Variants in VSTM2B observed in about 807,000 individuals in gnomAD.
VSTM2B encodes the protein V-set and transmembrane domain containing 2B, also known as V-set and transmembrane domain-containing protein 2B.
In VSTM2B, 24 loss-of-function variants were observed where a neutral mutation model predicts 24.0. The observed-to-expected ratio is 1.00, with a 90% CI of 0.72 to 1.40. The LOEUF (loss-of-function observed/expected upper bound fraction) is 1.40, where lower values mean the gene tolerates loss of function less well. VSTM2B is among the 40% of genes most tolerant of loss of function. The pLI is 0.00. For missense variants in VSTM2B, 399 were observed against 416.4 expected (o/e 0.96, Z 0.36); for synonymous variants, 226 against 194.4 (o/e 1.16, Z -1.35).
chr19:29,555,784 A>C (rs1026281737), intron 4 of VSTM2B, among the ~76,000 whole-genome samples: 1 of 152,196 alleles, frequency 6.6e-6, no homozygotes, highest in Non-Finnish European at 1.5e-5. Flanking sequence ...AAACTCCTCT[A>C]TGCAAATAAA....
chr19:29,559,562 A>G (rs1303776295), intron 4 of VSTM2B, among the ~76,000 whole-genome samples: 1 of 152,218 alleles, frequency 6.6e-6, no homozygotes, highest in Admixed American at 6.5e-5. Context: ...ATACCTATGT[A>G]ACAAAGCTGC....
intron 4 of VSTM2B, among the ~76,000 whole-genome samples, chr19:29,561,191 A>T (rs142634280): frequency 2.9e-4 from 44 of 152,294 alleles, no homozygotes; most frequent in African/African-American, 8.7e-4. Context: ...AAGCACCTGT[A>T]ATCCCAGCTG....
At position 29,546,655 on chromosome 19, in the gene VSTM2B, C is replaced by T. The variant is rs145359632; in HGVS notation, c.769+16365C>T. ...CCCACACTGAGGGAGGCAGCCTCGC[C>T]GTCCCCGCTGGGGAGCCCCCACCCC... On this transcript the variant is annotated intron_variant, in intron 4 of 4. Transcript: ENST00000335523. 3.7e-4 allele frequency among the ~76,000 whole-genome samples: 57 copies of T among 152,288 alleles called. No individual in the cohort carries two copies. In the East Asian group the frequency reaches 0.011, roughly 29 times the overall value.
intron 4 of VSTM2B, among the ~76,000 whole-genome samples, chr19:29,535,369 G>A (rs1969862076): frequency 6.6e-6 from 1 of 152,174 alleles, no homozygotes; most frequent in African/African-American, 2.4e-5. Context: ...GTTGGCCAGA[G>A]GTTCCCCTCT....
chr19:29,540,580 C>G (rs576034823), intron 4 of VSTM2B, among the ~76,000 whole-genome samples: 1 of 152,366 alleles, frequency 6.6e-6, no homozygotes, highest in South Asian at 2.1e-4. Flanking sequence ...TGCCCACAGA[C>G]AGCAGGCCTG....
At chr19:29,534,784 T>C (rs1221317414) in intron 4 of VSTM2B, among the ~76,000 whole-genome samples, 2 of 151,618 alleles carry the variant, frequency 1.3e-5, no homozygotes. Context: ...CATTTCAGAT[T>C]GGCAACAGCA....
chr19:29,529,162 G>T lies in VSTM2B; in HGVS notation c.298-657G>T, dbSNP rs1463137430. 7.1e-6 allele frequency: 7 copies of T among 981,284 alleles called. No homozygotes were observed. The Admixed American group carries it at 4.3e-4, about 60-fold the overall frequency. The allele number at this position is 981,284 out of a possible 1,614,324, so 60.8% of individuals were successfully genotyped here. On this transcript the variant is annotated intron_variant, in intron 3 of 4. Transcript: ENST00000335523. ...TACTTCCCGAAGTCCCCACCGGGGCGCAGGGGAGGAGCACTTCGCTGGGGG... is the reference window on the plus strand; with the variant it reads ...TACTTCCCGAAGTCCCCACCGGGGCTCAGGGGAGGAGCACTTCGCTGGGGG...
intron 4 of VSTM2B, among the ~76,000 whole-genome samples, chr19:29,551,733 T>A (rs2145502445): frequency 6.6e-6 from 1 of 152,292 alleles, no homozygotes; most frequent in African/African-American, 2.4e-5. Flanking sequence ...ACCTTAATCA[T>A]GACAAATAAA....
rs73923880 is a variant in VSTM2B, at chr19:29,546,526, C to T, written c.769+16236C>T. ...AAGGGGAAAATTCTCTTGCAGGGGC[C>T]GAGTGCAGCTGCTGGCACTGAGAAT... On this transcript the variant is annotated intron_variant, in intron 4 of 4. Transcript: ENST00000335523. 4.4e-3 allele frequency among the ~76,000 whole-genome samples: 677 copies of T among 152,344 alleles called. 4 individuals are homozygous for T. The highest frequency in any genetic ancestry group is 0.015 in the African/African-American group (619 of 41,582).
Position 29,564,051 on chromosome 19 carries a change from A to G in VSTM2B, c.*117A>G, listed in dbSNP as rs1970595074. 3 of 754,286 alleles carry G rather than the reference A, an allele frequency of 4.0e-6. No homozygotes were observed. The highest frequency in any genetic ancestry group is 2.8e-5 in the East Asian group (1 of 36,300). The allele number at this position is 754,286 out of a possible 1,614,324, so 46.7% of individuals were successfully genotyped here. ...CTGAGAGACGCATGAAAAAGTCCAC[A>G]TGGAAAATAAATAAATCATATTTTT... On this transcript the variant is annotated 3_prime_UTR_variant, in exon 5 of 5. Transcript: ENST00000335523.
At chr19:29,558,753 C>T (rs930444874) in intron 4 of VSTM2B, among the ~76,000 whole-genome samples, 2 of 152,154 alleles carry the variant, frequency 1.3e-5, no homozygotes, top group Non-Finnish European at 2.9e-5. Flanking sequence ...ATAGCTAATG[C>T]ATATGGGGCT....
chr19:29,550,955 C>T (rs73029471), intron 4 of VSTM2B, among the ~76,000 whole-genome samples: 15,170 of 152,260 alleles, frequency 0.1, 1,085 homozygotes, highest in Non-Finnish European at 0.16. Context: ...GTGGAGAGGG[C>T]TGCAGCTCTC....
intron 1 of VSTM2B, 88 bp from the exon 2 acceptor site, chr19:29,527,123 C>T (rs1411760648): frequency 6.5e-6 from 8 of 1,222,564 alleles, no homozygotes; most frequent in Non-Finnish European, 6.8e-6. Flanking sequence ...ACAAGGCCAG[C>T]CAGCCAGAGA....
chr19:29,529,583 C>A (rs978479837), intron 3 of VSTM2B, among the ~76,000 whole-genome samples: 1 of 152,112 alleles, frequency 6.6e-6, no homozygotes, highest in Non-Finnish European at 1.5e-5. Context: ...GTTTGGTTAA[C>A]GTGATGGGGA....
intron 4 of VSTM2B, among the ~76,000 whole-genome samples, chr19:29,538,847 G>A (rs778688280): frequency 8.5e-5 from 13 of 152,092 alleles, no homozygotes; most frequent in East Asian, 7.7e-4. Context: ...CAGGCCATTC[G>A]TGGGGGATCC....
intron 4 of VSTM2B, among the ~76,000 whole-genome samples, chr19:29,544,756 A>G (rs1198328286): frequency 7.9e-5 from 12 of 152,182 alleles, no homozygotes; most frequent in Non-Finnish European, 2.9e-5. Context: ...CAGGCCTCTC[A>G]GCCCCAGCTT....
chr19:29,549,353 A>G (rs1001934232), intron 4 of VSTM2B, among the ~76,000 whole-genome samples: 6 of 151,762 alleles, frequency 4.0e-5, no homozygotes, highest in South Asian at 4.2e-4. Context: ...GCTGCCCCCA[A>G]TGCTGCACCC....
At position 29,563,935 on chromosome 19, in the gene VSTM2B, C is replaced by T; in HGVS notation, c.*1C>T. 1.3e-6 allele frequency: 2 copies of T among 1,552,278 alleles called. No homozygotes were observed. The highest frequency in any genetic ancestry group is 2.0e-5 in the Admixed American group (1 of 51,018). Reference sequence around the variant, plus strand: ...CCTGCGCCTGCTCTTGGGACATTGACAGACAAGACCAACCCGAGCATCTCA... The same window carrying T: ...CCTGCGCCTGCTCTTGGGACATTGATAGACAAGACCAACCCGAGCATCTCA... On this transcript the variant is annotated 3_prime_UTR_variant, in exon 5 of 5. Transcript: ENST00000335523.
rs577204897 is a variant in VSTM2B at position 29,528,434 on chromosome 19, T to C, written c.269T>C (p.Val90Ala). The change falls in exon 3 of 5, where the codon GTA (valine) becomes GCA (alanine). Residue 90 changes from valine (V) to alanine (A), a missense_variant and splice_region_variant. Transcript: ENST00000335523. ...TCTCTCTCCCTCTTTGCATTTTAGG[T>C]AACAAATAAGGATGCAACTAAAATC... ...ALSVPGARSK[V>A]TNKDATKIST... The C allele has an allele frequency of 2.2e-5, 34 of 1,551,152 alleles. No individual in the cohort carries two copies. Among genetic ancestry groups the C allele is most frequent in the Non-Finnish European group, 2.9e-5 (33 of 1,146,966 alleles).
Sources: allele counts gnomAD v4.1 joint callset (sites outside exome capture counted in the v4.1 genomes callset), GRCh38; gene constraint gnomAD v4.1.1; transcripts MANE v1.5; gene names NCBI Gene and HGNC (gene_info 2026-07-23, HGNC 2026-07-21).